UBE3D: variants seen among roughly 807,000 people sequenced by gnomAD.
UBE3D encodes the protein E3 ubiquitin-protein ligase E3D.
A neutral mutation model predicts 49.6 loss-of-function variants in UBE3D; 48 were observed. The observed-to-expected ratio is 0.97, with a 90% CI of 0.77 to 1.23. The LOEUF (loss-of-function observed/expected upper bound fraction) is 1.23, where lower values mean the gene tolerates loss of function less well. UBE3D is among the 50% of genes most tolerant of loss of function. The pLI, the probability that UBE3D is intolerant of heterozygous loss-of-function variation, is 0.00. For synonymous variants in UBE3D, 189 were observed against 174.2 expected, an observed-to-expected ratio of 1.08 and a Z score of -0.67; for missense variants, 452 against 468.4, an observed-to-expected ratio of 0.96 and a Z score of 0.32.
At chr6:82,887,398 T>TG (rs1562053903), downstream of UBE3D, among the ~76,000 whole-genome samples, 68 of 145,618 alleles carry the variant, frequency 4.7e-4, 1 homozygote, top group African/African-American at 1.0e-3. Context: ...AGTTTTTTTT[T>TG]TTTTTTTTTT....
intron 5 of UBE3D, among the ~76,000 whole-genome samples, chr6:83,029,839 T>C (rs1781743091): frequency 6.6e-6 from 1 of 152,144 alleles, no homozygotes; most frequent in African/African-American, 2.4e-5. Flanking sequence ...TTTTTTTTAG[T>C]CTGGCTCCCT....
intron 5 of UBE3D, chr6:83,032,386 T>TG (rs1320127202): frequency 2.6e-5 from 11 of 422,310 alleles, no homozygotes; most frequent in African/African-American, 2.2e-4. Context: ...CAGACTTGCA[T>TG]GGGGCCTTTA....
At chr6:82,958,238 A>G (rs978567636) in intron 8 of UBE3D, among the ~76,000 whole-genome samples, 1 of 152,188 alleles carries the variant, frequency 6.6e-6, no homozygotes, top group Non-Finnish European at 1.5e-5. Context: ...TTAAAGGGAA[A>G]CATCAAAAAA....
chr6:82,999,974 G>A (rs779775204), intron 8 of UBE3D, among the ~76,000 whole-genome samples: 9 of 152,130 alleles, frequency 5.9e-5, no homozygotes, highest in Admixed American at 1.3e-4. Context: ...TCTCAGCAGC[G>A]TTTGACTACT....
chr6:82,972,630 G>C (rs182823184), intron 8 of UBE3D, among the ~76,000 whole-genome samples: 1 of 152,258 alleles, frequency 6.6e-6, no homozygotes, highest in Non-Finnish European at 1.5e-5. Flanking sequence ...CCTGGTTTTA[G>C]TTCAGATACT....
chr6:83,030,956 T>A (rs1040599876), intron 5 of UBE3D, among the ~76,000 whole-genome samples: 1 of 152,192 alleles, frequency 6.6e-6, no homozygotes, highest in Admixed American at 6.5e-5. Context: ...GCCCTAGATA[T>A]CTGTGGAACT....
chr6:83,046,478 G>C (rs1783040896), intron 3 of UBE3D, among the ~76,000 whole-genome samples: 1 of 152,076 alleles, frequency 6.6e-6, no homozygotes, highest in Non-Finnish European at 1.5e-5. Context: ...ACTGAGAAGT[G>C]ATTCTTTCAA....
intron 5 of UBE3D, among the ~76,000 whole-genome samples, chr6:83,029,210 A>G (rs1204577165): frequency 6.6e-6 from 1 of 151,972 alleles, no homozygotes; most frequent in East Asian, 1.9e-4. Context: ...TGACCCTTTC[A>G]ATTTCTCTTC....
chr6:83,028,955 C>T (rs1781673350), intron 5 of UBE3D, among the ~76,000 whole-genome samples: 1 of 152,080 alleles, frequency 6.6e-6, no homozygotes, highest in Non-Finnish European at 1.5e-5. Flanking sequence ...TTTTGGTTGT[C>T]ATTATTTCTA....
intron 5 of UBE3D, among the ~76,000 whole-genome samples, chr6:83,034,587 G>A (rs1467433710): frequency 1.3e-5 from 2 of 152,054 alleles, no homozygotes; most frequent in Admixed American, 6.6e-5. Flanking sequence ...TAATGGTTTA[G>A]CACCATCTCC....
At chr6:82,907,329 C>T (rs1022492030) in intron 9 of UBE3D, among the ~76,000 whole-genome samples, 11 of 152,138 alleles carry the variant, frequency 7.2e-5, no homozygotes, top group African/African-American at 2.7e-4. Flanking sequence ...TATTTCTAAC[C>T]TCTAAGGAAA....
chr6:82,899,379 AC>A (rs1171762647), intron 9 of UBE3D, among the ~76,000 whole-genome samples: 1 of 152,186 alleles, frequency 6.6e-6, no homozygotes, highest in Non-Finnish European at 1.5e-5. Flanking sequence ...TTCCATAAGA[AC>A]TTTTAAAAGG....
chr6:82,892,993 C>CG lies in UBE3D; in HGVS notation c.*28dup. 8 of 1,613,424 alleles carry CG rather than the reference C, an allele frequency of 5.0e-6. No homozygotes were observed. The highest frequency in any genetic ancestry group is 5.9e-6 in the Non-Finnish European group (7 of 1,179,716). ...GTGCTCCTGCTTGAGAGCTGTCTGC[C>CG]GGGGGAGGAGAATGCCCAGCTCTAA... On this transcript the variant is annotated 3_prime_UTR_variant, in exon 10 of 10. Transcript: ENST00000369747.
intron 8 of UBE3D, among the ~76,000 whole-genome samples, chr6:83,012,183 G>A (rs6925769): frequency 0.031 from 4,676 of 152,248 alleles, 101 homozygotes; most frequent in Admixed American, 0.064. Context: ...AAGGCATTCC[G>A]TGAGTCCACG....
At chr6:83,028,647 T>C (rs911432679) in intron 5 of UBE3D, among the ~76,000 whole-genome samples, 13 of 152,234 alleles carry the variant, frequency 8.5e-5, no homozygotes, top group Non-Finnish European at 1.5e-4. Context: ...TTGAATTTTG[T>C]GCTTACCTCT....
rs187151728 is a variant in UBE3D, at chr6:83,050,195, T to G, written c.365+3953A>C. 4.9e-3 allele frequency among the ~76,000 whole-genome samples: 746 copies of G among 152,010 alleles called. 2 individuals are homozygous for G. Among genetic ancestry groups the G allele is most frequent in the Non-Finnish European group, 8.3e-3 (567 of 68,002 alleles). On this transcript the variant is annotated intron_variant, in intron 3 of 9. Transcript: ENST00000369747. ...CATTAATGAGTCTTACTGTTTAAACTGTCCTCTATATCTTATTTCTATAAT... is the reference window on the plus strand; with the variant it reads ...CATTAATGAGTCTTACTGTTTAAACGGTCCTCTATATCTTATTTCTATAAT...
intron 8 of UBE3D, among the ~76,000 whole-genome samples, chr6:82,992,216 CTTTTTTTTTTTT>C (rs386407755): frequency 3.1e-5 from 3 of 96,770 alleles, no homozygotes; most frequent in African/African-American, 4.1e-5. Flanking sequence ...ATCTGCATTC[CTTTTTTTTTTTT>C]TTTTTTTTTT....
downstream of UBE3D, among the ~76,000 whole-genome samples, chr6:82,890,700 AG>A (rs1212963275): frequency 6.6e-6 from 1 of 152,184 alleles, no homozygotes; most frequent in African/African-American, 2.4e-5. Flanking sequence ...CTAAGGCCCA[AG>A]GAAGAGGTGA....
intron 8 of UBE3D, among the ~76,000 whole-genome samples, chr6:82,978,483 G>C (rs1777884928): frequency 6.6e-6 from 1 of 152,070 alleles, no homozygotes; most frequent in South Asian, 2.1e-4. Flanking sequence ...TTTTTAATAA[G>C]AGCTTGATAA....
Sources: allele counts gnomAD v4.1 joint callset (sites outside exome capture counted in the v4.1 genomes callset), GRCh38; gene constraint gnomAD v4.1.1; transcripts MANE v1.5; gene names NCBI Gene and HGNC (gene_info 2026-07-23, HGNC 2026-07-21).